Variants in SLC8A1 observed in about 807,000 individuals in gnomAD.
SLC8A1 encodes the protein solute carrier family 8 member A1.
SLC8A1 carries 18 observed loss-of-function variants against 68.3 expected under a neutral mutation model. The ratio of observed to expected loss-of-function variants is 0.26; its 90% CI spans 0.18 to 0.39. SLC8A1 has a LOEUF of 0.39. SLC8A1 is among the 10% of genes least tolerant of loss of function. The pLI is 1.00. For missense variants in SLC8A1, 985 were observed against 1,156.7 expected (o/e 0.85, Z 2.15); for synonymous variants, 475 against 415.5 (o/e 1.14, Z -1.74).
chr2:40,128,483 G>A (rs886439378), intron 7 of SLC8A1, among the ~76,000 whole-genome samples: 6 of 152,176 alleles, frequency 3.9e-5, no homozygotes, highest in Non-Finnish European at 8.8e-5. Flanking sequence ...ACAGTATGAC[G>A]TGCTGGGGCC....
exon 8 of SLC8A1, chr2:40,115,469 C>A: frequency 2.5e-6 from 4 of 1,614,168 alleles, no homozygotes; most frequent in Non-Finnish European, 2.5e-6. Flanking sequence ...TGCCAGGGGA[C>A]ACTTTGAACT....
At chr2:40,407,829 G>C (rs1420938062) in intron 2 of SLC8A1, among the ~76,000 whole-genome samples, 1 of 152,224 alleles carries the variant, frequency 6.6e-6, no homozygotes, top group Non-Finnish European at 1.5e-5. Flanking sequence ...GTCAAGAGGA[G>C]TTGCATTTGC....
intron 2 of SLC8A1, among the ~76,000 whole-genome samples, chr2:40,226,986 T>A (rs2148873944): frequency 6.6e-6 from 1 of 152,220 alleles, no homozygotes; most frequent in Middle Eastern, 3.4e-3. Flanking sequence ...CTAAGAGACA[T>A]TTTAACAACA....
chr2:40,350,978 C>T (rs1670903036), intron 2 of SLC8A1, among the ~76,000 whole-genome samples: 1 of 152,082 alleles, frequency 6.6e-6, no homozygotes, highest in Non-Finnish European at 1.5e-5. Context: ...GAAATGACGG[C>T]AGCTCTGTCT....
intron 2 of SLC8A1, among the ~76,000 whole-genome samples, chr2:40,384,446 A>G (rs998398781): frequency 1.3e-5 from 2 of 152,110 alleles, no homozygotes; most frequent in Non-Finnish European, 2.9e-5. Flanking sequence ...AATCATGGGT[A>G]TAGAAGGCAA....
intron 2 of SLC8A1, among the ~76,000 whole-genome samples, chr2:40,364,912 G>A (rs1362491198): frequency 6.6e-6 from 1 of 151,874 alleles, no homozygotes; most frequent in East Asian, 1.9e-4. Context: ...TTTGGAGTGT[G>A]TGCAGGTAAC....
At chr2:40,170,577 G>GC (rs1558608258) in intron 4 of SLC8A1, among the ~76,000 whole-genome samples, 2 of 152,274 alleles carry the variant, frequency 1.3e-5, no homozygotes, top group East Asian at 3.9e-4. Flanking sequence ...TATTTCATGA[G>GC]CCAAACAAGA....
chr2:40,282,766 G>A (rs887067099), intron 2 of SLC8A1, among the ~76,000 whole-genome samples: 7 of 152,096 alleles, frequency 4.6e-5, no homozygotes, highest in Admixed American at 1.3e-4. Context: ...CAGTAACAGA[G>A]AACAGCTATT....
At chr2:40,439,464 A>G (rs114905364) in intron 1 of SLC8A1, among the ~76,000 whole-genome samples, 1,955 of 152,276 alleles carry the variant, frequency 0.013, 24 homozygotes, top group South Asian at 0.036. Context: ...TTTCAACTCA[A>G]GAACGAATCC....
chr2:40,188,254 A>T (rs1428297512), intron 2 of SLC8A1, among the ~76,000 whole-genome samples: 1 of 152,142 alleles, frequency 6.6e-6, no homozygotes, highest in Non-Finnish European at 1.5e-5. Context: ...TCTTAACTGT[A>T]CTCCTTAAAT....
chr2:40,255,555 T>A (rs781575725), intron 2 of SLC8A1, among the ~76,000 whole-genome samples: 1 of 152,234 alleles, frequency 6.6e-6, no homozygotes. Context: ...TCAGGTTCTC[T>A]TGCAATTATG....
chr2:40,156,315 G>A (rs1357866131), intron 6 of SLC8A1, among the ~76,000 whole-genome samples: 1 of 150,608 alleles, frequency 6.6e-6, no homozygotes, highest in Non-Finnish European at 1.5e-5. Flanking sequence ...TAAATTCTTT[G>A]CCAAGATTAT....
chr2:40,511,782 T>A (rs1265235775), intron 1 of SLC8A1, among the ~76,000 whole-genome samples: 1 of 152,132 alleles, frequency 6.6e-6, no homozygotes, highest in Non-Finnish European at 1.5e-5. Flanking sequence ...AGACCCCGTG[T>A]TTGTGAAAAC....
rs889189491 is a variant in SLC8A1, at chr2:40,238,148, C to T, written c.1809-60293G>A. On this transcript the variant is annotated intron_variant, in intron 2 of 7. Transcript: ENST00000406785. ...TGGACTCCACCCAGTTCGAGCTTCCCGGCTGCTTTGTTTACCTAATCAAGC... is the reference window on the plus strand; with the variant it reads ...TGGACTCCACCCAGTTCGAGCTTCCTGGCTGCTTTGTTTACCTAATCAAGC... 6.6e-4 allele frequency among the ~76,000 whole-genome samples: 100 copies of T among 152,004 alleles called. 1 individual carries two copies. Among genetic ancestry groups the T allele is most frequent in the African/African-American group, 2.1e-3 (87 of 41,456 alleles).
intron 2 of SLC8A1, chr2:40,190,009 C>A (rs959450880): frequency 6.6e-6 from 1 of 152,154 alleles, no homozygotes; most frequent in Non-Finnish European, 1.5e-5. Flanking sequence ...CATTACTAAC[C>A]TTTTGGCTGG....
chr2:40,414,486 T>C (rs753153393), intron 2 of SLC8A1, among the ~76,000 whole-genome samples: 1 of 152,218 alleles, frequency 6.6e-6, no homozygotes, highest in Non-Finnish European at 1.5e-5. Flanking sequence ...ATTATTTTAC[T>C]TAATGTTTTC....
chr2:40,343,423 T>G (rs1384177171), intron 2 of SLC8A1, among the ~76,000 whole-genome samples: 1 of 152,162 alleles, frequency 6.6e-6, no homozygotes, highest in Non-Finnish European at 1.5e-5. Flanking sequence ...CACTTGGAAT[T>G]CTAACATCCT....
At chr2:40,259,251 A>G (rs556494031) in intron 2 of SLC8A1, among the ~76,000 whole-genome samples, 33 of 146,012 alleles carry the variant, frequency 2.3e-4, no homozygotes, top group African/African-American at 7.9e-4. Flanking sequence ...GGATGGAGAT[A>G]ATAGAAGCCT....
At chr2:40,432,401 TTGTG>T (rs112824729) in intron 1 of SLC8A1, among the ~76,000 whole-genome samples, 8 of 128,734 alleles carry the variant, frequency 6.2e-5, no homozygotes, top group Non-Finnish European at 1.1e-4. Flanking sequence ...GAGTGTGAGA[TTGTG>T]TGTGTGTGTG....
Sources: allele counts gnomAD v4.1 joint callset (sites outside exome capture counted in the v4.1 genomes callset), GRCh38; gene constraint gnomAD v4.1.1; transcripts MANE v1.5; gene names NCBI Gene and HGNC (gene_info 2026-07-23, HGNC 2026-07-21).